The following GRIK2 variants were observed in gnomAD, a reference collection of about 807,000 sequenced individuals.
GRIK2 encodes glutamate receptor ionotropic, kainate 2.
Under a neutral mutation model 100.3 loss-of-function variants are expected in GRIK2, and 32 were observed. The ratio of observed to expected loss-of-function variants is 0.32; its 90% CI spans 0.24 to 0.43. The LOEUF (loss-of-function observed/expected upper bound fraction) is 0.43, where lower values mean the gene tolerates loss of function less well. Among genes scored for constraint, GRIK2 ranks in the 20% least tolerant of loss-of-function variants. The pLI, the probability that GRIK2 is intolerant of heterozygous loss-of-function variation, is 1.00. For missense variants in GRIK2, 843 were observed against 1,114.9 expected (o/e 0.76, Z 3.47); for synonymous variants, 417 against 389.4 (o/e 1.07, Z -0.83).
At chr6:101,742,228 C>G (rs1178231476) in intron 7 of GRIK2, among the ~76,000 whole-genome samples, 1 of 152,202 alleles carries the variant, frequency 6.6e-6, no homozygotes. Flanking sequence ...ATGCCAATCA[C>G]TAAGGTGACA....
chr6:101,821,316 C>G (rs2518267), intron 10 of GRIK2, among the ~76,000 whole-genome samples: 16,627 of 152,078 alleles, frequency 0.11, 1,923 homozygotes, highest in East Asian at 0.65. Flanking sequence ...CTAATTTTAT[C>G]TTCATATCAG....
chr6:101,791,201 A>G (rs1779828818), intron 7 of GRIK2, among the ~76,000 whole-genome samples: 1 of 151,744 alleles, frequency 6.6e-6, no homozygotes, highest in Non-Finnish European at 1.5e-5. Flanking sequence ...TTGTGTGTCT[A>G]TTTCCTTCAG....
intron 10 of GRIK2, among the ~76,000 whole-genome samples, chr6:101,823,953 C>T (rs1481466387): frequency 1.3e-5 from 2 of 151,174 alleles, no homozygotes; most frequent in African/African-American, 2.4e-5. Flanking sequence ...CTGCAACCTC[C>T]GCCTCCCATG....
chr6:101,591,946 A>T (rs1336842949), intron 2 of GRIK2, among the ~76,000 whole-genome samples: 2 of 151,958 alleles, frequency 1.3e-5, no homozygotes, highest in African/African-American at 4.8e-5. Context: ...GAGGTATTGG[A>T]TCATGGGGGC....
At chr6:101,925,109 C>A (rs12213025) in intron 13 of GRIK2, among the ~76,000 whole-genome samples, 2 of 152,048 alleles carry the variant, frequency 1.3e-5, no homozygotes, top group South Asian at 4.1e-4. Flanking sequence ...AAAATCTTCT[C>A]TTTCATATTA....
intron 9 of GRIK2, among the ~76,000 whole-genome samples, chr6:101,816,224 T>G (rs995981859): frequency 3.4e-5 from 5 of 149,112 alleles, no homozygotes; most frequent in Non-Finnish European, 1.5e-5. Context: ...AAATCTTAGC[T>G]ATTTTGCCAA....
At position 101,686,204 on chromosome 6, in the gene GRIK2, C is replaced by G. The variant is rs1208147411; in HGVS notation, c.802C>G (p.Pro268Ala). ...GGACCTCTTTGCTCTTGATGTTGAG[C>G]CCTACCGATACAGTGGTGTTAACAT... is the stretch of plus-strand genomic sequence containing the variant. Reference protein sequence around the residue: ...TLDLFALDVEPYRYSGVNMTG... With the variant: ...TLDLFALDVEAYRYSGVNMTG... Residue 268 changes from proline (P) to alanine (A), a missense_variant, in exon 7 of 17, where the codon CCC becomes GCC. By Grantham distance (27) the Pro-to-Ala change is conservative. Transcript: ENST00000369134. 3.1e-6 allele frequency: 5 copies of G among 1,611,832 alleles called. No individual in the cohort carries two copies. Among genetic ancestry groups the G allele is most frequent in the Non-Finnish European group, 1.7e-6 (2 of 1,178,382 alleles).
At chr6:101,592,152 C>G (rs1025924559) in intron 2 of GRIK2, among the ~76,000 whole-genome samples, 1 of 151,992 alleles carries the variant, frequency 6.6e-6, no homozygotes, top group African/African-American at 2.4e-5. Context: ...GCTTCCTGTA[C>G]AGCCTGCAGA....
intron 2 of GRIK2, among the ~76,000 whole-genome samples, chr6:101,444,409 T>A (rs547492965): frequency 6.6e-5 from 10 of 152,230 alleles, no homozygotes; most frequent in Middle Eastern, 6.8e-3. Flanking sequence ...GTTTTATCTC[T>A]AAGCCTTGGC....
chr6:101,848,998 T>C (rs1783962610), intron 10 of GRIK2, among the ~76,000 whole-genome samples: 1 of 151,956 alleles, frequency 6.6e-6, no homozygotes, highest in African/African-American at 2.4e-5. Context: ...AGTAAACCTA[T>C]CCATGAAAAT....
chr6:101,882,033 A>G (rs555363886), intron 11 of GRIK2, among the ~76,000 whole-genome samples: 1 of 152,166 alleles, frequency 6.6e-6, no homozygotes, highest in East Asian at 1.9e-4. Context: ...ATGGTGGCAG[A>G]CAAGAGAGAA....
At chr6:101,604,670 A>G (rs1176934898) in intron 2 of GRIK2, among the ~76,000 whole-genome samples, 1 of 151,968 alleles carries the variant, frequency 6.6e-6, no homozygotes, top group African/African-American at 2.4e-5. Context: ...GAAGACAAGA[A>G]GATTGGTTAA....
At chr6:101,507,819 G>C (rs1774098105) in intron 2 of GRIK2, among the ~76,000 whole-genome samples, 2 of 152,176 alleles carry the variant, frequency 1.3e-5, no homozygotes, top group South Asian at 4.1e-4. Context: ...AGGGAGGCAA[G>C]GGGCTGATGT....
At chr6:101,854,829 A>C (rs9373624) in intron 10 of GRIK2, among the ~76,000 whole-genome samples, 29,423 of 152,100 alleles carry the variant, frequency 0.19, 4,659 homozygotes, top group East Asian at 0.66. Context: ...AGTTCATATA[A>C]ATGTTATATT....
chr6:102,019,244 C>A (rs904828119), intron 14 of GRIK2, among the ~76,000 whole-genome samples: 1 of 152,106 alleles, frequency 6.6e-6, no homozygotes, highest in East Asian at 1.9e-4. Flanking sequence ...AACATGGTAT[C>A]TTTTAGATGG....
At chr6:101,935,734 TGC>T (rs1790574284) in intron 14 of GRIK2, among the ~76,000 whole-genome samples, 1 of 151,988 alleles carries the variant, frequency 6.6e-6, no homozygotes, top group African/African-American at 2.4e-5. Context: ...GAACTACTTC[TGC>T]TCCTTTCCTT....
At chr6:101,922,419 T>C (rs1464776799) in intron 12 of GRIK2, among the ~76,000 whole-genome samples, 1 of 152,136 alleles carries the variant, frequency 6.6e-6, no homozygotes, top group African/African-American at 2.4e-5. Flanking sequence ...AGTTGTCATA[T>C]GGGAAAACTA....
At position 101,785,287 on chromosome 6, in the gene GRIK2, T is replaced by C. The variant is rs75054237; in HGVS notation, c.952-14361T>C. 7.7e-3 allele frequency among the ~76,000 whole-genome samples: 1,180 copies of C among 152,310 alleles called. 16 individuals are homozygous for C. Among genetic ancestry groups the C allele is most frequent in the African/African-American group, 0.027 (1,124 of 41,568 alleles). Reference sequence around the variant, plus strand: ...TCTTCACTCTGTTGGTTGTTTGCTTTGCTGTGCAGAATCTTTTTATGTCCC... The same window carrying C: ...TCTTCACTCTGTTGGTTGTTTGCTTCGCTGTGCAGAATCTTTTTATGTCCC... On this transcript the variant is annotated intron_variant, in intron 7 of 16. Transcript: ENST00000369134.
intron 7 of GRIK2, among the ~76,000 whole-genome samples, chr6:101,762,206 A>C (rs1464841506): frequency 6.9e-6 from 1 of 145,756 alleles, no homozygotes; most frequent in South Asian, 2.1e-4. Context: ...ACAGGGTGTC[A>C]CTCTGTTGCC....
Sources: gnomAD v4.1 joint callset for allele counts (sites outside exome capture counted in the v4.1 genomes callset) on GRCh38, gnomAD v4.1.1 for gene constraint, MANE v1.5 for transcripts, NCBI Gene and HGNC (gene_info 2026-07-23, HGNC 2026-07-21) for gene names.